The following SH2D4A variants were observed in gnomAD, a reference collection of about 807,000 sequenced individuals.
SH2D4A encodes the protein SH2 domain-containing protein 4A.
Under a neutral mutation model 64.7 loss-of-function variants are expected in SH2D4A, and 70 were observed. That is an observed-to-expected ratio of 1.08 (90% CI 0.89 to 1.32). SH2D4A has a LOEUF of 1.32. Ranked by LOEUF, SH2D4A falls within the 40% of genes most tolerant of loss-of-function variation. SH2D4A has a pLI of 0.00. For synonymous variants in SH2D4A, 268 were observed against 200.7 expected (o/e 1.34, Z -2.83); for missense variants, 706 against 540.1 (o/e 1.31, Z -3.04).
chr8:19,361,180 T>G (rs777948391), intron 5 of SH2D4A, 23 bp from the exon 6 acceptor site: 1 of 1,412,478 alleles, frequency 7.1e-7, no homozygotes, highest in Middle Eastern at 1.8e-4. Flanking sequence ...GTTTTTGTTT[T>G]TTTTTGTTTT....
At chr8:19,378,173 C>G (rs1244456742) in intron 8 of SH2D4A, among the ~76,000 whole-genome samples, 1 of 152,122 alleles carries the variant, frequency 6.6e-6, no homozygotes, top group Non-Finnish European at 1.5e-5. Flanking sequence ...ATTCTGGAGA[C>G]TGATCCTTTG....
intron 5 of SH2D4A, among the ~76,000 whole-genome samples, chr8:19,358,962 A>C (rs1395770101): frequency 6.6e-6 from 1 of 152,130 alleles, no homozygotes; most frequent in Non-Finnish European, 1.5e-5. Flanking sequence ...CCTCCACTCC[A>C]AGCCATCACC....
chr8:19,387,811 TA>T (rs1455446590), intron 8 of SH2D4A, among the ~76,000 whole-genome samples: 1 of 152,226 alleles, frequency 6.6e-6, no homozygotes, highest in East Asian at 1.9e-4. Context: ...CCTGCCTCAA[TA>T]TGTGCATGTA....
chr8:19,365,912 G>A (rs947865265), intron 7 of SH2D4A, among the ~76,000 whole-genome samples: 3 of 151,240 alleles, frequency 2.0e-5, no homozygotes, highest in African/African-American at 7.4e-5. Flanking sequence ...AACTTCGTAT[G>A]TGTGCAGTGT....
intron 2 of SH2D4A, among the ~76,000 whole-genome samples, chr8:19,328,747 A>G (rs1030290704): frequency 6.6e-6 from 1 of 152,234 alleles, no homozygotes; most frequent in Non-Finnish European, 1.5e-5. Flanking sequence ...GGCCACTCAG[A>G]TAAAGAATGT....
At chr8:19,316,257 A>G (rs1415393226) in intron 1 of SH2D4A, among the ~76,000 whole-genome samples, 2 of 152,212 alleles carry the variant, frequency 1.3e-5, no homozygotes, top group Non-Finnish European at 1.5e-5. Context: ...TTCCTTCAAG[A>G]TGAACTAGTT....
intron 4 of SH2D4A, among the ~76,000 whole-genome samples, chr8:19,343,964 T>C (rs1315919725): frequency 6.6e-6 from 1 of 152,024 alleles, no homozygotes; most frequent in South Asian, 2.1e-4. Context: ...GCCGGCGAAA[T>C]GTCAGTGGTA....
chr8:19,388,857 A>C (rs1366039217), intron 8 of SH2D4A, among the ~76,000 whole-genome samples: 1 of 152,188 alleles, frequency 6.6e-6, no homozygotes, highest in African/African-American at 2.4e-5. Context: ...AAAAATAAAT[A>C]AGATGGAGTA....
At chr8:19,347,601 C>T (rs983957556) in intron 4 of SH2D4A, among the ~76,000 whole-genome samples, 2 of 152,108 alleles carry the variant, frequency 1.3e-5, no homozygotes, top group African/African-American at 4.8e-5. Flanking sequence ...TGTCCTTGCC[C>T]CTGAAAGGGA....
At chr8:19,394,168 T>C (rs2958557) in intron 9 of SH2D4A, among the ~76,000 whole-genome samples, 151,543 of 152,244 alleles carry the variant, frequency 1, 75,424 homozygotes, top group Middle Eastern at 1. Flanking sequence ...CTAATGCTGC[T>C]ACTGATCTGA....
chr8:19,317,615 G>A (rs529510841), intron 1 of SH2D4A, among the ~76,000 whole-genome samples: 65 of 152,280 alleles, frequency 4.3e-4, no homozygotes, highest in African/African-American at 1.5e-3. Flanking sequence ...TCAAAAGACA[G>A]GTGTAAATCA....
Position 19,319,451 on chromosome 8 carries a change from C to T in SH2D4A, c.-97C>T, listed in dbSNP as rs2052146822. On this transcript the variant is annotated 5_prime_UTR_variant, in exon 2 of 10. Coordinates refer to ENST00000265807, the MANE Select transcript of SH2D4A (RefSeq NM_022071.4). The stretch of plus-strand genomic sequence containing the variant: ...GGATTGTGAGCTGTTTGGGAAGTTT[C>T]GTGGAAACGCCCAAGTGCCAGCACA... The T allele has an allele frequency of 8.9e-6, 12 of 1,343,628 alleles. No individual in the cohort carries two copies. Among genetic ancestry groups the T allele is most frequent in the African/African-American group, 3.0e-5 (2 of 65,800 alleles). The allele number at this position is 1,343,628 out of a possible 1,614,324, so 83.2% of individuals were successfully genotyped here.
chr8:19,363,028 T>G (rs1335211060), intron 6 of SH2D4A, among the ~76,000 whole-genome samples: 1 of 152,088 alleles, frequency 6.6e-6, no homozygotes, highest in African/African-American at 2.4e-5. Flanking sequence ...TTTTTTTTTG[T>G]CCTCTATACC....
At chr8:19,335,795 C>A (rs977112373) in intron 4 of SH2D4A, among the ~76,000 whole-genome samples, 1 of 152,166 alleles carries the variant, frequency 6.6e-6, no homozygotes, top group Non-Finnish European at 1.5e-5. Flanking sequence ...GGTATGAATT[C>A]TCTTATGGTT....
chr8:19,332,842 G>T (rs2052385127), intron 2 of SH2D4A, 113 bp from the exon 3 acceptor site: 2 of 846,834 alleles, frequency 2.4e-6, no homozygotes, highest in Non-Finnish European at 3.4e-6. Context: ...TGTCTCATCT[G>T]ATATATATAT....
At chr8:19,315,152 T>C (rs530579243) in intron 1 of SH2D4A, among the ~76,000 whole-genome samples, 2 of 152,328 alleles carry the variant, frequency 1.3e-5, no homozygotes, top group Non-Finnish European at 2.9e-5. Flanking sequence ...TTTTTAATTT[T>C]TGAGACAGGG....
intron 5 of SH2D4A, among the ~76,000 whole-genome samples, chr8:19,359,764 T>C (rs1178924966): frequency 1.4e-5 from 2 of 147,078 alleles, no homozygotes; most frequent in Non-Finnish European, 2.9e-5. Flanking sequence ...AATTTATGAA[T>C]GATGATTACT....
At chr8:19,335,562 T>C (rs2052433328) in intron 4 of SH2D4A, among the ~76,000 whole-genome samples, 1 of 152,230 alleles carries the variant, frequency 6.6e-6, no homozygotes, top group South Asian at 2.1e-4. Flanking sequence ...TTGTCACAGC[T>C]ATACACAAAT....
chr8:19,394,467 C>T (rs1390495841), intron 9 of SH2D4A, 83 bp from the exon 10 acceptor site: 16 of 875,000 alleles, frequency 1.8e-5, no homozygotes, highest in Admixed American at 2.7e-5. Context: ...CATGGGTAGG[C>T]AGCTAGTGAT....
Sources: allele counts gnomAD v4.1 joint callset (sites outside exome capture counted in the v4.1 genomes callset), GRCh38; gene constraint gnomAD v4.1.1; transcripts MANE v1.5; gene names NCBI Gene and HGNC (gene_info 2026-07-23, HGNC 2026-07-21).